Variants in HECW1 observed in about 807,000 individuals in gnomAD.
The protein encoded by HECW1 is E3 ubiquitin-protein ligase HECW1.
Under a neutral mutation model 182.3 loss-of-function variants are expected in HECW1, and 61 were observed. The observed-to-expected ratio is 0.33, with a 90% confidence interval of 0.27 to 0.41. The LOEUF (loss-of-function observed/expected upper bound fraction) is 0.41, where lower values mean the gene tolerates loss of function less well. HECW1 is among the 10% of genes least tolerant of loss of function. HECW1 has a pLI of 1.00. For synonymous variants in HECW1, 859 were observed against 832.6 expected, an observed-to-expected ratio of 1.03 and a Z score of -0.55; for missense variants, 1,739 against 2,108.9, an observed-to-expected ratio of 0.82 and a Z score of 3.44.
chr7:43,482,698 G>T (rs1440668360), intron 17 of HECW1, among the ~76,000 whole-genome samples: 1 of 152,136 alleles, frequency 6.6e-6, no homozygotes, highest in Non-Finnish European at 1.5e-5. Flanking sequence ...TTGAGCCTAG[G>T]AGTTTGCAAC....
intron 6 of HECW1, among the ~76,000 whole-genome samples, chr7:43,390,566 A>G (rs78782003): frequency 0.01 from 1,494 of 148,770 alleles, 13 homozygotes; most frequent in Non-Finnish European, 0.018. Context: ...AAAACAGCAG[A>G]GTTGTGGAGG....
chr7:43,517,344 C>T (rs573951560), intron 24 of HECW1, among the ~76,000 whole-genome samples: 1 of 151,972 alleles, frequency 6.6e-6, no homozygotes, highest in Non-Finnish European at 1.5e-5. Flanking sequence ...CCCCTGCCCC[C>T]TTCTGCCCCA....
intron 10 of HECW1, among the ~76,000 whole-genome samples, chr7:43,442,963 G>C (rs893458918): frequency 6.6e-6 from 1 of 152,236 alleles, no homozygotes. Flanking sequence ...ATACATGAAT[G>C]AATGAATGAA....
intron 2 of HECW1, among the ~76,000 whole-genome samples, chr7:43,120,011 C>T (rs562996902): frequency 3.3e-5 from 5 of 152,324 alleles, no homozygotes; most frequent in Admixed American, 6.5e-5. Context: ...ACTGCCTAGA[C>T]ATCTGCTGTG....
At chr7:43,153,225 TTCATTG>T (rs1789531086) in intron 2 of HECW1, among the ~76,000 whole-genome samples, 2 of 152,218 alleles carry the variant, frequency 1.3e-5, no homozygotes, top group African/African-American at 4.8e-5. Flanking sequence ...TATGGATTGT[TTCATTG>T]TCATTATTTC....
At chr7:43,417,763 A>G (rs534587435) in intron 8 of HECW1, among the ~76,000 whole-genome samples, 25 of 152,298 alleles carry the variant, frequency 1.6e-4, no homozygotes, top group Non-Finnish European at 1.2e-4. Flanking sequence ...TAAATCTATA[A>G]TGATTTAAAT....
chr7:43,537,342 A>T (rs2081215003), intron 24 of HECW1, among the ~76,000 whole-genome samples: 1 of 152,224 alleles, frequency 6.6e-6, no homozygotes, highest in South Asian at 2.1e-4. Flanking sequence ...AATTTTGCTT[A>T]AATTATTGGG....
rs998479140 is a variant in HECW1, at chr7:43,425,036, A to G, written c.802-12967A>G. ...AGAGAAACATACAAACAGAATTAAT[A>G]CAGCACAAGTCCAGTGATTGATAGA... On this transcript the variant is annotated intron_variant, in intron 8 of 29. Transcript: ENST00000395891. Among the ~76,000 whole-genome samples the G allele has an allele frequency of 9.8e-5, 15 of 152,296 alleles. No homozygotes were observed. In the South Asian group the frequency reaches 2.7e-3, roughly 27 times the overall value.
At chr7:43,156,054 C>T (rs1371214415) in intron 2 of HECW1, among the ~76,000 whole-genome samples, 2 of 152,130 alleles carry the variant, frequency 1.3e-5, no homozygotes, top group African/African-American at 2.4e-5. Flanking sequence ...TAGTTAAGAA[C>T]ACTTAACTGG....
chr7:43,355,522 C>G (rs944799191), intron 5 of HECW1, among the ~76,000 whole-genome samples: 1 of 151,904 alleles, frequency 6.6e-6, no homozygotes, highest in Non-Finnish European at 1.5e-5. Flanking sequence ...AAGTTGTCAT[C>G]TCCTTAAAAT....
chr7:43,519,265 TAGAC>T (rs1263824244), intron 24 of HECW1, among the ~76,000 whole-genome samples: 2 of 151,934 alleles, frequency 1.3e-5, no homozygotes, highest in East Asian at 3.9e-4. Context: ...TTTTTTTTTT[TAGAC>T]AGAGTCTTGC....
Position 43,362,944 on chromosome 7 carries a change from CCTT to C in HECW1, c.555+1970_555+1972del, listed in dbSNP as rs1816154065. On this transcript the variant is annotated intron_variant, in intron 6 of 29. Transcript: ENST00000395891. Reference sequence around the variant, plus strand: ...GCTCGTAGGGGAGAGGAGTTCCTCACCTTCTTCTGCTCTGGAATGATACTGTGG... The same window carrying C: ...GCTCGTAGGGGAGAGGAGTTCCTCACCTTCTGCTCTGGAATGATACTGTGG... Among the ~76,000 whole-genome samples the C allele has an allele frequency of 3.3e-5, 5 of 152,240 alleles. No homozygotes were observed. In the South Asian group the frequency reaches 1.0e-3, roughly 32 times the overall value.
At chr7:43,113,562 C>T (rs563608645) in intron 1 of HECW1, 51 of 175,148 alleles carry the variant, frequency 2.9e-4, no homozygotes, top group Middle Eastern at 2.3e-3. Context: ...TGTTACCGGC[C>T]GGCTGCGCCG....
chr7:43,519,709 G>T lies in HECW1; in HGVS notation c.4019+10588G>T, dbSNP rs144965847. Among the ~76,000 whole-genome samples, 39 of 152,222 alleles carry T rather than the reference G, an allele frequency of 2.6e-4. No individual in the cohort carries two copies. In the East Asian group the frequency reaches 7.3e-3, roughly 29 times the overall value. Reference sequence around the variant, plus strand: ...GATCCACACTGCACAGTCATATGAGGCATAAAAAAGACTGAATTAGAACCT... The same window carrying T: ...GATCCACACTGCACAGTCATATGAGTCATAAAAAAGACTGAATTAGAACCT... On this transcript the variant is annotated intron_variant, in intron 24 of 29. Coordinates refer to ENST00000395891, the MANE Select transcript of HECW1 (RefSeq NM_015052.5).
At chr7:43,186,448 A>T (rs931637202) in intron 2 of HECW1, among the ~76,000 whole-genome samples, 2 of 152,104 alleles carry the variant, frequency 1.3e-5, no homozygotes, top group African/African-American at 4.8e-5. Flanking sequence ...CGGATGGATC[A>T]CGAGGTCAGG....
rs1374352868 is a variant in HECW1, at chr7:43,501,276, C to T, written c.3585C>T (p.Ser1195=). Residue 1195 remains serine, a synonymous_variant, in exon 21 of 30, where the codon AGC becomes AGT. Coordinates refer to ENST00000395891, the MANE Select transcript of HECW1 (RefSeq NM_015052.5). ...PLQAAFHPGY[S]FSPRCSPCSS... is the part of the protein sequence containing the mutation. ...AGGCTGCCTTCCACCCTGGGTATAG[C>T]TTCTCTCCCCGATGTTCACCCTGTT... 4 of 1,609,066 alleles carry T rather than the reference C, an allele frequency of 2.5e-6. No homozygotes were observed. In the South Asian group the frequency reaches 4.4e-5, roughly 18 times the overall value.
intron 3 of HECW1, among the ~76,000 whole-genome samples, chr7:43,281,030 T>C (rs1650613670): frequency 6.6e-6 from 1 of 152,196 alleles, no homozygotes; most frequent in Admixed American, 6.5e-5. Flanking sequence ...AGATTTTTGA[T>C]GGCTTAAGAT....
chr7:43,304,620 T>C (rs1295504607), intron 3 of HECW1, among the ~76,000 whole-genome samples: 2 of 152,002 alleles, frequency 1.3e-5, no homozygotes, highest in Admixed American at 1.3e-4. Flanking sequence ...CCTCCTGGGA[T>C]AGCTGGGATT....
chr7:43,522,475 G>A (rs2080530333), intron 24 of HECW1: 1 of 152,314 alleles, frequency 6.6e-6, no homozygotes, highest in Admixed American at 6.5e-5. Context: ...CCACACCTCT[G>A]TCTCCAGCCA....
Sources: gnomAD v4.1 joint callset for allele counts (sites outside exome capture counted in the v4.1 genomes callset) on GRCh38, gnomAD v4.1.1 for gene constraint, MANE v1.5 for transcripts, NCBI Gene and HGNC (gene_info 2026-07-23, HGNC 2026-07-21) for gene names.